LCP2: variants seen among roughly 807,000 people sequenced by gnomAD.
LCP2 encodes 76 kDa tyrosine phosphoprotein.
A neutral mutation model predicts 74.5 loss-of-function variants in LCP2; 29 were observed. The observed-to-expected ratio is 0.39, with a 90% CI of 0.29 to 0.53. The LOEUF (loss-of-function observed/expected upper bound fraction) is 0.53, where lower values mean the gene tolerates loss of function less well. Among genes scored for constraint, LCP2 ranks in the 20% least tolerant of loss-of-function variants. LCP2 has a pLI of 0.72. For missense variants in LCP2, 604 were observed against 634.6 expected (o/e 0.95, Z 0.52); for synonymous variants, 228 against 229.5 (o/e 0.99, Z 0.06).
At chr5:170,273,205 T>G (rs1157449771) in intron 6 of LCP2, among the ~76,000 whole-genome samples, 2 of 152,078 alleles carry the variant, frequency 1.3e-5, no homozygotes, top group Non-Finnish European at 2.9e-5. Context: ...TAGCCACTAG[T>G]GAATGGAAGC....
chr5:170,273,447 A>C (rs1467407829), intron 6 of LCP2, among the ~76,000 whole-genome samples: 1 of 152,196 alleles, frequency 6.6e-6, no homozygotes, highest in Non-Finnish European at 1.5e-5. Context: ...TTTTACCAGA[A>C]TCCCAATAGG....
intron 19 of LCP2, chr5:170,251,432 A>C: frequency 4.7e-6 from 1 of 213,138 alleles, no homozygotes; most frequent in Admixed American, 4.9e-5. Flanking sequence ...TTTTTCTGAT[A>C]TTTGCTAAAC....
intron 3 of LCP2, among the ~76,000 whole-genome samples, chr5:170,276,766 C>T (rs1762014072): frequency 6.6e-6 from 1 of 152,060 alleles, no homozygotes; most frequent in South Asian, 2.1e-4. Flanking sequence ...AGTCAATAGG[C>T]TTAGTGTTTC....
Position 170,281,333 on chromosome 5 carries a change from G to A in LCP2, c.189-5473C>T, listed in dbSNP as rs1762096542. On this transcript the variant is annotated intron_variant, in intron 3 of 20. Transcript: ENST00000046794. ...CTTGCTCTGTCCCCCAGGCTGGAGT[G>A]CAGTGCCACGATCTTGGCTCACTGC... 2.0e-5 allele frequency among the ~76,000 whole-genome samples: 3 copies of A among 152,040 alleles called. No homozygotes were observed. The South Asian group carries it at 6.2e-4, about 32-fold the overall frequency.
At chr5:170,272,193 T>C (rs1761907333) in intron 6 of LCP2, among the ~76,000 whole-genome samples, 1 of 152,190 alleles carries the variant, frequency 6.6e-6, no homozygotes, top group Non-Finnish European at 1.5e-5. Context: ...TTACACCAGC[T>C]CTTTACCCCA....
At chr5:170,257,869 A>C (rs1187554147) in intron 16 of LCP2, among the ~76,000 whole-genome samples, 168 bp downstream of exon 16, 3 of 152,138 alleles carry the variant, frequency 2.0e-5, no homozygotes, top group African/African-American at 7.2e-5. Flanking sequence ...TGGTGGATTA[A>C]CATATCGTTC....
intron 3 of LCP2, 97 bp downstream of exon 3, chr5:170,287,873 G>A: frequency 8.9e-6 from 10 of 1,121,742 alleles, no homozygotes; most frequent in Non-Finnish European, 1.4e-5. Context: ...CTTATTTCAA[G>A]CCGACAATGA....
Position 170,261,092 on chromosome 5 carries a change from A to T in LCP2, c.957+15T>A. On this transcript the variant is annotated intron_variant, in intron 14 of 20. Transcript: ENST00000046794. ...CCCTGTATCAAGCACTTACAAACTG[A>T]CATTTTGTACTTACATTCTCTCTTC... 1 of 1,583,850 alleles carries T rather than the reference A, an allele frequency of 6.3e-7. No individual in the cohort carries two copies. Among genetic ancestry groups the T allele is most frequent in the Non-Finnish European group, 8.7e-7 (1 of 1,152,794 alleles).
rs965738917 is a variant in LCP2 at position 170,257,166 on chromosome 5, G to A, written c.1101-591C>T. Among the ~76,000 whole-genome samples the A allele has an allele frequency of 1.2e-3, 180 of 152,300 alleles. 2 individuals carry two copies. The highest frequency in any genetic ancestry group is 1.6e-4 in the Non-Finnish European group (11 of 68,032). On this transcript the variant is annotated intron_variant, in intron 16 of 20. Transcript: ENST00000046794. Reference sequence around the variant, plus strand: ...CCATCAGTCTAAACCTTTGGGAAAAGTCTGCTCTGCACAGCAACCTTGTGT... The same window carrying A: ...CCATCAGTCTAAACCTTTGGGAAAAATCTGCTCTGCACAGCAACCTTGTGT...
rs931527663 is a variant in LCP2 at position 170,251,067 on chromosome 5, T to A, written c.1324-182A>T. 7.3e-6 allele frequency: 4 copies of A among 550,666 alleles called. No homozygotes were observed. In the Admixed American group the frequency reaches 1.3e-4, roughly 19 times the overall value. The allele number at this position is 550,666 out of a possible 1,614,324, so 34.1% of individuals were successfully genotyped here. A position where few individuals can be genotyped will look rare whatever the true frequency, so the allele number is the denominator to read the frequency against. The stretch of plus-strand genomic sequence containing the variant: ...TCTCCAAACAGCTACATATCCCATG[T>A]GTCATGAGTTATTTTGTTATTAAGA... On this transcript the variant is annotated intron_variant, in intron 19 of 20. Coordinates refer to ENST00000046794, the MANE Select transcript of LCP2 (RefSeq NM_005565.5).
chr5:170,284,321 CTT>C (rs1762149392), intron 3 of LCP2, among the ~76,000 whole-genome samples: 1 of 152,066 alleles, frequency 6.6e-6, no homozygotes, highest in Non-Finnish European at 1.5e-5. Context: ...CTGAAAAAGT[CTT>C]TATTTCGTCT....
rs1160829735 is a variant in LCP2 at position 170,256,725 on chromosome 5, G to C, written c.1101-150C>G. On this transcript the variant is annotated intron_variant, in intron 16 of 20. Coordinates refer to ENST00000046794, the MANE Select transcript of LCP2 (RefSeq NM_005565.5). This position sits in a 1 kb window ranked among gnomAD's most constrained non-coding sequence, Gnocchi z 4.5. The stretch of plus-strand genomic sequence containing the variant: ...CAAAACCATGGGGGCTGGGCACAGG[G>C]ACAGAACACAGCACACAGGGAATGG... 1 of 666,494 alleles carries C rather than the reference G, an allele frequency of 1.5e-6. No individual in the cohort carries two copies. The highest frequency in any genetic ancestry group is 2.7e-6 in the Non-Finnish European group (1 of 363,940). 41.3% of individuals were successfully genotyped at this position (666,494 alleles called of 1,614,324 possible).
At position 170,256,216 on chromosome 5, in the gene LCP2, A is replaced by T. The variant is rs1761547572; in HGVS notation, c.1150+310T>A. 6.6e-6 allele frequency among the ~76,000 whole-genome samples: 1 copy of T among 151,840 alleles called. No homozygotes were observed. Among genetic ancestry groups the T allele is most frequent in the Non-Finnish European group, 1.5e-5 (1 of 67,942 alleles). ...GTGTGCATGTATTGTGTATGTGTAT[A>T]TATGTGTATACCTGTGTGCACATGT... On this transcript the variant is annotated intron_variant, in intron 17 of 20. Coordinates refer to ENST00000046794, the MANE Select transcript of LCP2 (RefSeq NM_005565.5). The surrounding 1 kb of genome is among the most constrained non-coding windows in gnomAD (Gnocchi z 4.5).
chr5:170,265,381 C>T (rs992980210), intron 10 of LCP2, among the ~76,000 whole-genome samples: 5 of 152,112 alleles, frequency 3.3e-5, no homozygotes, highest in Non-Finnish European at 7.4e-5. Context: ...CAAAACATCA[C>T]AGAAAACGGA....
chr5:170,275,185 G>C, intron 5 of LCP2, 135 bp downstream of exon 5: 1 of 921,728 alleles, frequency 1.1e-6, no homozygotes, highest in Non-Finnish European at 1.7e-6. Context: ...CCCTTTTCTG[G>C]GTAAGAACTG....
chr5:170,295,893 A>C (rs3804250), intron 1 of LCP2, among the ~76,000 whole-genome samples: 14,390 of 151,188 alleles, frequency 0.095, 867 homozygotes, highest in South Asian at 0.19. Flanking sequence ...CAGGAAGAAA[A>C]CTCTCCCTTC....
chr5:170,291,297 G>C (rs371632292), intron 2 of LCP2, among the ~76,000 whole-genome samples: 8 of 152,274 alleles, frequency 5.3e-5, no homozygotes, highest in Middle Eastern at 3.4e-3. Flanking sequence ...AGTGGCCCTG[G>C]ATATTACAGA....
chr5:170,278,926 T>C (rs1260798104), intron 3 of LCP2, among the ~76,000 whole-genome samples: 1 of 143,076 alleles, frequency 7.0e-6, no homozygotes. Context: ...TCCAAGCCTG[T>C]GGGACCACTG....
chr5:170,287,753 G>A (rs1762207493), intron 3 of LCP2: 4 of 584,272 alleles, frequency 6.8e-6, no homozygotes, highest in Admixed American at 2.9e-5. Context: ...TTTTTGGCAA[G>A]AGCATCCAGG....
Sources: allele counts gnomAD v4.1 joint callset (sites outside exome capture counted in the v4.1 genomes callset), GRCh38; gene constraint gnomAD v4.1.1; non-coding constraint Gnocchi (gnomAD v3.1); transcripts MANE v1.5; gene names NCBI Gene and HGNC (gene_info 2026-07-23, HGNC 2026-07-21).